The following FHIT variants were observed in gnomAD, a reference collection of about 807,000 sequenced individuals.
FHIT encodes the protein fragile histidine triad diadenosine triphosphatase.
FHIT carries 19 observed loss-of-function variants against 17.9 expected under a neutral mutation model. The ratio of observed to expected loss-of-function variants is 1.06; its 90% CI spans 0.74 to 1.56. The LOEUF (loss-of-function observed/expected upper bound fraction) is 1.56. Ranked by LOEUF, FHIT falls within the 40% of genes most tolerant of loss-of-function variation. The probability of loss-of-function intolerance (pLI) is 0.00; values close to 1 mark genes in which losing one functional copy is unlikely to be tolerated. For missense variants in FHIT, 248 were observed against 189.2 expected, an observed-to-expected ratio of 1.31 and a Z score of -1.82; for synonymous variants, 81 against 69.7, an observed-to-expected ratio of 1.16 and a Z score of -0.81.
intron 5 of FHIT, among the ~76,000 whole-genome samples, chr3:60,331,808 T>A (rs778536404): frequency 8.0e-5 from 12 of 150,316 alleles, no homozygotes; most frequent in Admixed American, 5.3e-4. Flanking sequence ...ATTGCGCCGT[T>A]GCACTCCAGC....
intron 5 of FHIT, among the ~76,000 whole-genome samples, chr3:60,270,610 A>G (rs1706812555): frequency 6.6e-6 from 1 of 152,170 alleles, no homozygotes; most frequent in South Asian, 2.1e-4. Flanking sequence ...TTCACAAATG[A>G]CCCCTATTAA....
intron 3 of FHIT, among the ~76,000 whole-genome samples, chr3:60,981,105 C>T (rs2107553577): frequency 6.6e-6 from 1 of 152,294 alleles, no homozygotes; most frequent in South Asian, 2.1e-4. Flanking sequence ...AAGGCAGCAG[C>T]AGCCCTGGCT....
At chr3:60,580,777 A>G (rs1388601399) in intron 4 of FHIT, among the ~76,000 whole-genome samples, 1 of 152,070 alleles carries the variant, frequency 6.6e-6, no homozygotes, top group African/African-American at 2.4e-5. Flanking sequence ...GACAATTCCT[A>G]TCAATTAGTT....
intron 5 of FHIT, among the ~76,000 whole-genome samples, chr3:60,491,462 A>C (rs1228446742): frequency 6.6e-6 from 1 of 152,188 alleles, no homozygotes; most frequent in African/African-American, 2.4e-5. Context: ...ATAACTACCT[A>C]GAAACAGTCC....
chr3:60,890,461 A>C (rs1705458841), intron 3 of FHIT, among the ~76,000 whole-genome samples: 1 of 152,218 alleles, frequency 6.6e-6, no homozygotes, highest in African/African-American at 2.4e-5. Context: ...CAGAACCTTG[A>C]AAAATAATGA....
intron 5 of FHIT, among the ~76,000 whole-genome samples, chr3:60,053,032 C>G (rs1359690873): frequency 6.6e-6 from 1 of 151,800 alleles, no homozygotes; most frequent in Non-Finnish European, 1.5e-5. Flanking sequence ...CTGCATTGTT[C>G]CCCATGCTTC....
intron 2 of FHIT, among the ~76,000 whole-genome samples, chr3:61,188,559 G>A (rs1213278835): frequency 3.3e-5 from 5 of 152,166 alleles, no homozygotes; most frequent in African/African-American, 7.2e-5. Context: ...AGAAAAAGAG[G>A]GAATCCTCCC....
intron 3 of FHIT, among the ~76,000 whole-genome samples, chr3:60,999,300 T>C (rs981612062): frequency 6.6e-6 from 1 of 151,996 alleles, no homozygotes; most frequent in African/African-American, 2.4e-5. Flanking sequence ...GAAACAATAA[T>C]CTACAAAACC....
intron 5 of FHIT, among the ~76,000 whole-genome samples, chr3:60,165,097 G>T (rs1199305203): frequency 6.6e-6 from 1 of 152,176 alleles, no homozygotes; most frequent in Non-Finnish European, 1.5e-5. Flanking sequence ...CAGTGAGTCA[G>T]ATGGGAGCCA....
chr3:60,936,400 G>A (rs911332029), intron 3 of FHIT, among the ~76,000 whole-genome samples: 2 of 152,124 alleles, frequency 1.3e-5, no homozygotes, highest in Non-Finnish European at 2.9e-5. Flanking sequence ...TTTGCAGGCC[G>A]ACACAATGTG....
At chr3:60,061,700 G>A (rs1702301486) in intron 5 of FHIT, among the ~76,000 whole-genome samples, 1 of 152,140 alleles carries the variant, frequency 6.6e-6, no homozygotes, top group Non-Finnish European at 1.5e-5. Context: ...AGGGTTCTTT[G>A]CTCAAAACAT....
chr3:60,235,811 C>A (rs1264007420), intron 5 of FHIT, among the ~76,000 whole-genome samples: 1 of 152,054 alleles, frequency 6.6e-6, no homozygotes, highest in African/African-American at 2.4e-5. Context: ...CAGGAAGGTT[C>A]AATAAATGGA....
intron 5 of FHIT, among the ~76,000 whole-genome samples, chr3:60,361,044 A>C (rs1699886170): frequency 1.3e-5 from 2 of 152,180 alleles, no homozygotes; most frequent in South Asian, 2.1e-4. Context: ...ATACTGGTGT[A>C]ATACATCCTG....
chr3:61,029,261 C>G (rs568502013), intron 3 of FHIT, among the ~76,000 whole-genome samples: 1 of 152,296 alleles, frequency 6.6e-6, no homozygotes, highest in Non-Finnish European at 1.5e-5. Context: ...CCAAGATTTA[C>G]TGCTCTGACA....
chr3:60,732,025 A>C, intron 4 of FHIT: 2 of 431,650 alleles, frequency 4.6e-6, no homozygotes, highest in Non-Finnish European at 8.6e-6. Flanking sequence ...ATGGAACCCA[A>C]AGGGAATTGC....
chr3:59,809,046 T>A (rs72888513), intron 8 of FHIT, among the ~76,000 whole-genome samples: 4,506 of 152,266 alleles, frequency 0.03, 222 homozygotes, highest in African/African-American at 0.1. Context: ...AGAACTACAG[T>A]ATCAGCCCAG....
At chr3:61,036,903 T>G (rs182224219) in intron 3 of FHIT, among the ~76,000 whole-genome samples, 764 of 74,548 alleles carry the variant, frequency 0.01, 13 homozygotes, top group African/African-American at 0.023. Context: ...TCTGCTTTGT[T>G]TTTTTTTTTT....
intron 7 of FHIT, among the ~76,000 whole-genome samples, chr3:59,926,599 G>A (rs965939369): frequency 1.3e-5 from 2 of 152,242 alleles, no homozygotes; most frequent in Admixed American, 6.5e-5. Context: ...AAAATCAAGA[G>A]AGGGTAAGTT....
chr3:61,215,138 G>C (rs1446663642), intron 1 of FHIT, among the ~76,000 whole-genome samples: 1 of 151,912 alleles, frequency 6.6e-6, no homozygotes, highest in Non-Finnish European at 1.5e-5. Context: ...ATTCAACATA[G>C]TGTTGGAAGT....
Sources: gnomAD v4.1 joint callset for allele counts (sites outside exome capture counted in the v4.1 genomes callset) on GRCh38, gnomAD v4.1.1 for gene constraint, MANE v1.5 for transcripts, NCBI Gene and HGNC (gene_info 2026-07-23, HGNC 2026-07-21) for gene names.